The following LRFN5 variants were observed in gnomAD, a reference collection of about 807,000 sequenced individuals.
LRFN5 encodes the protein leucine rich repeat and fibronectin type III domain containing 5.
Under a neutral mutation model 45.6 loss-of-function variants are expected in LRFN5, and 24 were observed. The observed-to-expected ratio is 0.53, with a 90% CI of 0.38 to 0.74. The LOEUF (loss-of-function observed/expected upper bound fraction) is 0.74, where lower values mean the gene tolerates loss of function less well. Ranked by LOEUF, LRFN5 falls within the 30% of genes least tolerant of loss-of-function variation. LRFN5 has a pLI of 0.00. For synonymous variants in LRFN5, 340 were observed against 313.8 expected, an observed-to-expected ratio of 1.08 and a Z score of -0.88; for missense variants, 776 against 861.5, an observed-to-expected ratio of 0.90 and a Z score of 1.24.
intron 2 of LRFN5, among the ~76,000 whole-genome samples, chr14:41,851,347 A>G: frequency 6.6e-6 from 1 of 151,152 alleles, no homozygotes; most frequent in Non-Finnish European, 1.5e-5. Flanking sequence ...AAGCATTTTG[A>G]ATATTATTAT....
intron 2 of LRFN5, among the ~76,000 whole-genome samples, chr14:41,863,614 C>T (rs1889742299): frequency 6.6e-6 from 1 of 152,244 alleles, no homozygotes; most frequent in South Asian, 2.1e-4. Context: ...TTTAATTGCA[C>T]TGCAGTATAA....
intron 1 of LRFN5, among the ~76,000 whole-genome samples, chr14:41,751,451 A>C (rs935875412): frequency 5.9e-5 from 9 of 152,100 alleles, no homozygotes; most frequent in Non-Finnish European, 1.3e-4. Context: ...TCCAATGCAC[A>C]TATGTATTGG....
intron 1 of LRFN5, among the ~76,000 whole-genome samples, chr14:41,754,912 A>G (rs868067267): frequency 6.6e-6 from 1 of 151,410 alleles, no homozygotes; most frequent in Non-Finnish European, 1.5e-5. Context: ...AGTGCTATAC[A>G]TTTCCCTCTA....
At chr14:41,719,927 A>T (rs1375480371) in intron 1 of LRFN5, among the ~76,000 whole-genome samples, 1 of 152,012 alleles carries the variant, frequency 6.6e-6, no homozygotes, top group Non-Finnish European at 1.5e-5. Flanking sequence ...ATCTCTCCAT[A>T]TAGAGAGGTA....
chr14:41,834,893 G>A (rs763860959), intron 2 of LRFN5, among the ~76,000 whole-genome samples: 10 of 151,698 alleles, frequency 6.6e-5, no homozygotes, highest in Non-Finnish European at 1.3e-4. Flanking sequence ...GCACTTCTGC[G>A]CTCAAGCAAT....
intron 2 of LRFN5, among the ~76,000 whole-genome samples, chr14:41,825,258 C>G (rs1375342983): frequency 1.3e-5 from 2 of 152,178 alleles, no homozygotes; most frequent in Admixed American, 1.3e-4. Flanking sequence ...TTGCGCCAAG[C>G]CCCTGGGAGA....
At chr14:41,873,735 A>G (rs1890100296) in intron 2 of LRFN5, among the ~76,000 whole-genome samples, 1 of 152,154 alleles carries the variant, frequency 6.6e-6, no homozygotes, top group South Asian at 2.1e-4. Context: ...AGAATTTTCC[A>G]TATTTCTAGA....
intron 2 of LRFN5, among the ~76,000 whole-genome samples, chr14:41,880,170 G>GC (rs58667909): frequency 0.021 from 3,192 of 151,824 alleles, 100 homozygotes; most frequent in African/African-American, 0.073. Context: ...CTCGTGATCT[G>GC]CCCGCCTTGG....
intron 2 of LRFN5, among the ~76,000 whole-genome samples, chr14:41,867,853 A>AT (rs11420346): frequency 0.041 from 6,288 of 151,592 alleles, 476 homozygotes; most frequent in African/African-American, 0.14. Flanking sequence ...AACTGGGAAT[A>AT]TTTTTTTCAT....
At chr14:41,715,367 G>A (rs962452065) in intron 1 of LRFN5, among the ~76,000 whole-genome samples, 4 of 152,136 alleles carry the variant, frequency 2.6e-5, no homozygotes, top group Non-Finnish European at 5.9e-5. Context: ...TTTTGAAGAG[G>A]TTTCAATTAG....
At chr14:41,679,775 C>T (rs559307163) in intron 1 of LRFN5, among the ~76,000 whole-genome samples, 158 of 152,154 alleles carry the variant, frequency 1.0e-3, no homozygotes, top group African/African-American at 3.6e-3. Flanking sequence ...GGTACCAGCT[C>T]GGCACCAATG....
chr14:41,859,382 G>A (rs2139094074), intron 2 of LRFN5, among the ~76,000 whole-genome samples: 1 of 152,210 alleles, frequency 6.6e-6, no homozygotes, highest in South Asian at 2.1e-4. Context: ...AATTCTGCAG[G>A]TAAAACCATA....
intron 2 of LRFN5, among the ~76,000 whole-genome samples, chr14:41,871,848 C>G (rs758540638): frequency 6.6e-6 from 1 of 152,104 alleles, no homozygotes; most frequent in African/African-American, 2.4e-5. Context: ...TATTACTCTA[C>G]CTGCTCTTTT....
chr14:41,867,854 T>C (rs1374747493), intron 2 of LRFN5, among the ~76,000 whole-genome samples: 1 of 140,384 alleles, frequency 7.1e-6, no homozygotes, highest in Non-Finnish European at 1.5e-5. Flanking sequence ...ACTGGGAATA[T>C]TTTTTTCATT....
chr14:41,839,289 G>T (rs1183695777), intron 2 of LRFN5, among the ~76,000 whole-genome samples: 1 of 151,714 alleles, frequency 6.6e-6, no homozygotes, highest in Non-Finnish European at 1.5e-5. Flanking sequence ...TCCTAGTCAA[G>T]TTGCTTTTGA....
intron 4 of LRFN5, among the ~76,000 whole-genome samples, chr14:41,898,127 A>G (rs1890997892): frequency 1.3e-5 from 2 of 152,078 alleles, no homozygotes; most frequent in Non-Finnish European, 1.5e-5. Flanking sequence ...AAAGTTTTGT[A>G]AAAAACAATT....
chr14:41,646,642 T>A (rs1879831109), intron 1 of LRFN5, among the ~76,000 whole-genome samples: 1 of 152,228 alleles, frequency 6.6e-6, no homozygotes, highest in Admixed American at 6.5e-5. Context: ...CATTTTACTT[T>A]TTTTTGTTTT....
At chr14:41,885,743 A>C (rs955899871) in intron 2 of LRFN5, among the ~76,000 whole-genome samples, 1 of 152,128 alleles carries the variant, frequency 6.6e-6, no homozygotes, top group African/African-American at 2.4e-5. Context: ...TTGGCCGGGC[A>C]CAGTGGCTCA....
At chr14:41,746,416 T>G (rs1884922933) in intron 1 of LRFN5, among the ~76,000 whole-genome samples, 1 of 151,992 alleles carries the variant, frequency 6.6e-6, no homozygotes, top group Non-Finnish European at 1.5e-5. Context: ...GACTAAAATA[T>G]TTACTCCTAA....
Sources: gnomAD v4.1 joint callset for allele counts (sites outside exome capture counted in the v4.1 genomes callset) on GRCh38, gnomAD v4.1.1 for gene constraint, MANE v1.5 for transcripts, NCBI Gene and HGNC (gene_info 2026-07-23, HGNC 2026-07-21) for gene names.